Variants in HIVEP3 observed in about 807,000 individuals in gnomAD.
The protein encoded by HIVEP3 is transcription factor HIVEP3.
In HIVEP3, 49 loss-of-function variants were observed where a neutral mutation model predicts 152.8. The ratio of observed to expected loss-of-function variants is 0.32; its 90% CI spans 0.26 to 0.41. The LOEUF (loss-of-function observed/expected upper bound fraction) is 0.41, where lower values mean the gene tolerates loss of function less well. Ranked by LOEUF, HIVEP3 falls within the 10% of genes least tolerant of loss-of-function variation. HIVEP3 has a pLI of 1.00. For missense variants in HIVEP3, 2,790 were observed against 3,103.3 expected (o/e 0.90, Z 2.40); for synonymous variants, 1,269 against 1,289.0 (o/e 0.98, Z 0.33).
intron 1 of HIVEP3, among the ~76,000 whole-genome samples, chr1:41,874,164 C>T (rs1570714782): frequency 6.6e-6 from 1 of 152,182 alleles, no homozygotes; most frequent in East Asian, 1.9e-4. Context: ...CCTTAAAGTT[C>T]CCTTATCATT....
At chr1:41,810,358 T>G (rs1277785998) in intron 1 of HIVEP3, among the ~76,000 whole-genome samples, 1 of 152,228 alleles carries the variant, frequency 6.6e-6, no homozygotes, top group Non-Finnish European at 1.5e-5. Context: ...ACAAGCATCC[T>G]AGCATCAGGG....
At chr1:41,841,164 C>A (rs898745921) in intron 1 of HIVEP3, among the ~76,000 whole-genome samples, 3 of 152,144 alleles carry the variant, frequency 2.0e-5, no homozygotes, top group Non-Finnish European at 4.4e-5. Context: ...CTCTGCCCAT[C>A]CCAGTGCCCC....
chr1:41,926,770 T>C (rs1644970419), intron 1 of HIVEP3, among the ~76,000 whole-genome samples: 1 of 152,198 alleles, frequency 6.6e-6, no homozygotes, highest in Non-Finnish European at 1.5e-5. Flanking sequence ...TTAAAGTATG[T>C]TAGCTAAAGT....
chr1:41,712,203 C>G (rs1646523206), intron 1 of HIVEP3, among the ~76,000 whole-genome samples: 1 of 152,252 alleles, frequency 6.6e-6, no homozygotes, highest in South Asian at 2.1e-4. Context: ...ACAGATTCGA[C>G]ACATGCAGTT....
intron 2 of HIVEP3, among the ~76,000 whole-genome samples, chr1:41,688,930 A>T (rs1307275878): frequency 6.7e-6 from 1 of 150,084 alleles, no homozygotes; most frequent in Non-Finnish European, 1.5e-5. Context: ...GCTCAAGCTC[A>T]CCTCCCAGCC....
intron 1 of HIVEP3, among the ~76,000 whole-genome samples, chr1:41,972,110 G>A (rs922790673): frequency 4.6e-5 from 7 of 152,194 alleles, no homozygotes; most frequent in Non-Finnish European, 1.0e-4. Flanking sequence ...AACAGAGTAG[G>A]ACAGTGCCTT....
At chr1:41,966,488 T>TTTTTTTTTTTTTTTTTTA (rs1645198741) in intron 1 of HIVEP3, among the ~76,000 whole-genome samples, 1 of 142,922 alleles carries the variant, frequency 7.0e-6, no homozygotes, top group African/African-American at 2.6e-5. Flanking sequence ...TTTTTTTTTT[T>TTTTTTTTTTTTTTTTTTA]TTTGAGATGG....
In HIVEP3 at chr1:41,664,357, C is replaced by T. The variant is rs1645762499; in HGVS notation, c.-720-35410G>A. On this transcript the variant is annotated intron_variant, in intron 2 of 8. Coordinates refer to ENST00000372583, the MANE Select transcript of HIVEP3 (RefSeq NM_024503.5). The surrounding 1 kb of genome is among the most constrained non-coding windows in gnomAD (Gnocchi z 4.4). ...CATTCACACACACAGGCTCAGATGA[C>T]AGCCTTGCTCCTGCCCCAAGTTGAA... Among the ~76,000 whole-genome samples, 1 of 152,216 alleles carries T rather than the reference C, an allele frequency of 6.6e-6. No individual in the cohort carries two copies. Among genetic ancestry groups the T allele is most frequent in the South Asian group, 2.1e-4 (1 of 4,836 alleles).
intron 2 of HIVEP3, among the ~76,000 whole-genome samples, chr1:41,643,484 T>C (rs554682983): frequency 6.6e-6 from 1 of 152,320 alleles, no homozygotes; most frequent in East Asian, 1.9e-4. Flanking sequence ...TAACAATGAA[T>C]TAAACACACC....
Position 41,533,050 on chromosome 1 carries a change from G to A in HIVEP3, c.5208-8140C>T, listed in dbSNP as rs187583294. ...TTAGAGGAGGAGGGGCCCATGGCTG[G>A]ACATCCCAGAGAGCTTGAGGAAGAC... On this transcript the variant is annotated intron_variant, in intron 5 of 8. Transcript: ENST00000372583. This position sits in a 1 kb window ranked among gnomAD's most constrained non-coding sequence, Gnocchi z 4.3. 9.9e-5 allele frequency among the ~76,000 whole-genome samples: 15 copies of A among 152,280 alleles called. No homozygotes were observed. In the East Asian group the frequency reaches 2.9e-3, roughly 29 times the overall value.
chr1:41,529,227 C>A (rs1643149790), intron 5 of HIVEP3, among the ~76,000 whole-genome samples: 1 of 139,476 alleles, frequency 7.2e-6, no homozygotes, highest in Non-Finnish European at 1.5e-5. Flanking sequence ...CTCACCCTCA[C>A]ACATGCTCAC....
intron 1 of HIVEP3, among the ~76,000 whole-genome samples, chr1:41,703,008 T>G (rs948932772): frequency 1.3e-5 from 2 of 152,226 alleles, no homozygotes; most frequent in South Asian, 2.1e-4. Context: ...TGCCCGGTGC[T>G]TTTTCCTATT....
At chr1:41,821,324 A>T (rs988862510) in intron 1 of HIVEP3, among the ~76,000 whole-genome samples, 1 of 152,174 alleles carries the variant, frequency 6.6e-6, no homozygotes, top group Non-Finnish European at 1.5e-5. Flanking sequence ...CCTCTCATCA[A>T]TCAAATGTAG....
chr1:41,624,855 A>G (rs191139114), intron 3 of HIVEP3, among the ~76,000 whole-genome samples: 1 of 152,250 alleles, frequency 6.6e-6, no homozygotes. Context: ...CATTCACATC[A>G]TGTTATGGAT....
intron 3 of HIVEP3, among the ~76,000 whole-genome samples, chr1:41,608,917 CAAAAAA>C (rs35714997): frequency 2.4e-5 from 3 of 123,548 alleles, no homozygotes; most frequent in Non-Finnish European, 5.3e-5. Flanking sequence ...CTAAAAATAC[CAAAAAA>C]AAAAAAAAAA....
At chr1:41,890,513 C>T (rs941072015) in intron 1 of HIVEP3, among the ~76,000 whole-genome samples, 1 of 152,168 alleles carries the variant, frequency 6.6e-6, no homozygotes, top group Admixed American at 6.5e-5. Flanking sequence ...AGGTTTGTTA[C>T]CTGGGATTAT....
At chr1:41,877,759 G>A (rs1292874684) in intron 1 of HIVEP3, among the ~76,000 whole-genome samples, 2 of 152,232 alleles carry the variant, frequency 1.3e-5, no homozygotes, top group African/African-American at 4.8e-5. Context: ...AATAAAAGGT[G>A]GGGAAATGGG....
intron 1 of HIVEP3, among the ~76,000 whole-genome samples, chr1:41,822,934 G>A (rs1035183636): frequency 7.2e-5 from 11 of 152,214 alleles, no homozygotes; most frequent in African/African-American, 2.2e-4. Context: ...CCTTCATGAC[G>A]CTATGGACTG....
At chr1:41,606,291 A>G (rs1411972494) in intron 3 of HIVEP3, among the ~76,000 whole-genome samples, 1 of 151,966 alleles carries the variant, frequency 6.6e-6, no homozygotes, top group African/African-American at 2.4e-5. Flanking sequence ...GACAGTGTCT[A>G]TTCACTTCCT....
Sources: allele counts gnomAD v4.1 joint callset (sites outside exome capture counted in the v4.1 genomes callset), GRCh38; gene constraint gnomAD v4.1.1; non-coding constraint Gnocchi (gnomAD v3.1); transcripts MANE v1.5; gene names NCBI Gene and HGNC (gene_info 2026-07-23, HGNC 2026-07-21).